Variants in CAB39L observed in about 807,000 individuals in gnomAD.
CAB39L encodes calcium binding protein 39 like.
A neutral mutation model predicts 39.1 loss-of-function variants in CAB39L; 23 were observed. The ratio of observed to expected loss-of-function variants is 0.59; its 90% CI spans 0.42 to 0.83. The LOEUF (loss-of-function observed/expected upper bound fraction) is 0.83. CAB39L is among the 40% of genes least tolerant of loss of function. The pLI, the probability that CAB39L is intolerant of heterozygous loss-of-function variation, is 0.00. For synonymous variants in CAB39L, 126 were observed against 137.2 expected (o/e 0.92, Z 0.57); for missense variants, 366 against 391.9 (o/e 0.93, Z 0.56).
chr13:49,375,233 A>G (rs1003802072), intron 5 of CAB39L, among the ~76,000 whole-genome samples: 2 of 152,086 alleles, frequency 1.3e-5, no homozygotes, highest in South Asian at 2.1e-4. Flanking sequence ...TATTATTCCT[A>G]TTTTATAGAT....
rs533105748 is a variant in CAB39L, at chr13:49,434,148, G to T, written c.-170C>A. 2 of 456,744 alleles carry T rather than the reference G, an allele frequency of 4.4e-6. No homozygotes were observed. The highest frequency in any genetic ancestry group is 8.8e-6 in the Non-Finnish European group (2 of 227,008). The allele number at this position is 456,744 out of a possible 1,614,324, so 28.3% of individuals were successfully genotyped here. On this transcript the variant is annotated 5_prime_UTR_variant, in exon 2 of 11. Transcript: ENST00000409308. ...TGAACAAACCACTGATTTGGGGTTC[G>T]CATCTTTACGTTCTGAACAGCAACT...
Position 49,427,384 on chromosome 13 carries a change from A to G in CAB39L, c.-32+5934T>C, listed in dbSNP as rs762948156. Among the ~76,000 whole-genome samples the G allele has an allele frequency of 9.2e-5, 14 of 152,122 alleles. 1 individual carries two copies. The highest frequency in any genetic ancestry group is 1.3e-4 in the Non-Finnish European group (9 of 68,030). ...CGAAGTTCCAAAGCCATGCCCACTT[A>G]AAATATTTGTTGCTGGGCACCATGG... On this transcript the variant is annotated intron_variant, in intron 3 of 10. Transcript: ENST00000409308.
chr13:49,394,198 A>G (rs1956554674), intron 3 of CAB39L, among the ~76,000 whole-genome samples: 1 of 152,004 alleles, frequency 6.6e-6, no homozygotes, highest in African/African-American at 2.4e-5. Context: ...ATTACAAAAG[A>G]TCTCTTTAAG....
chr13:49,382,973 CTT>C (rs1401923842), intron 3 of CAB39L, 32 bp from the exon 4 acceptor site: 34 of 909,052 alleles, frequency 3.7e-5, no homozygotes, highest in Non-Finnish European at 5.6e-5. Context: ...AAAATTATAA[CTT>C]TAACTCTTAA....
At position 49,345,798 on chromosome 13, in the gene CAB39L, G is replaced by A. The variant is rs578115389; in HGVS notation, c.565-1560C>T. 7.9e-5 allele frequency among the ~76,000 whole-genome samples: 12 copies of A among 151,878 alleles called. No individual in the cohort carries two copies. In the East Asian group the frequency reaches 9.7e-4, roughly 12 times the overall value. ...GAGTTCTCTACCTGCTTCAACTATC[G>A]TCAGCCTTGAAAGTGAGGACTGGGT... On this transcript the variant is annotated intron_variant, in intron 7 of 10. Coordinates refer to ENST00000409308, the MANE Select transcript of CAB39L (RefSeq NM_001079670.3).
At chr13:49,312,087 C>A (rs1269051592) in intron 10 of CAB39L, among the ~76,000 whole-genome samples, 1 of 152,128 alleles carries the variant, frequency 6.6e-6, no homozygotes, top group African/African-American at 2.4e-5. Context: ...TAGAGGCAGG[C>A]CTGACTATGA....
intron 3 of CAB39L, among the ~76,000 whole-genome samples, chr13:49,423,601 AG>A (rs1417352711): frequency 6.6e-6 from 1 of 152,204 alleles, no homozygotes; most frequent in African/African-American, 2.4e-5. Flanking sequence ...AAAAATTAGT[AG>A]GAGAGAAAGG....
intron 3 of CAB39L, among the ~76,000 whole-genome samples, chr13:49,415,212 T>A (rs1957062632): frequency 6.8e-6 from 1 of 146,306 alleles, no homozygotes; most frequent in African/African-American, 2.5e-5. Context: ...ATTTTAAAAA[T>A]AAAAATAAAA....
chr13:49,396,299 A>C (rs1192345813), intron 3 of CAB39L, among the ~76,000 whole-genome samples: 1 of 152,174 alleles, frequency 6.6e-6, no homozygotes, highest in Non-Finnish European at 1.5e-5. Context: ...ACAATCAACA[A>C]TGAGTTAGAC....
At chr13:49,426,169 C>T (rs1957241369) in intron 3 of CAB39L, among the ~76,000 whole-genome samples, 2 of 152,178 alleles carry the variant, frequency 1.3e-5, no homozygotes, top group Admixed American at 1.3e-4. Flanking sequence ...GGATAAGGAC[C>T]ATCCCCTTAA....
chr13:49,431,399 T>C (rs541390124), intron 3 of CAB39L, among the ~76,000 whole-genome samples: 1 of 152,222 alleles, frequency 6.6e-6, no homozygotes, highest in Admixed American at 6.5e-5. Context: ...AAAACGGTTT[T>C]AGCAGCTTCT....
chr13:49,407,192 G>A (rs1213883393), intron 3 of CAB39L, among the ~76,000 whole-genome samples: 1 of 152,112 alleles, frequency 6.6e-6, no homozygotes, highest in Admixed American at 6.6e-5. Flanking sequence ...ATCATGGCAT[G>A]CTAAATATGC....
At chr13:49,392,269 A>C (rs1956503931) in intron 3 of CAB39L, among the ~76,000 whole-genome samples, 1 of 152,182 alleles carries the variant, frequency 6.6e-6, no homozygotes, top group South Asian at 2.1e-4. Context: ...TATATTAGGT[A>C]CAATAAAGGC....
At chr13:49,348,344 G>T (rs559742346) in intron 7 of CAB39L, among the ~76,000 whole-genome samples, 1 of 152,264 alleles carries the variant, frequency 6.6e-6, no homozygotes, top group African/African-American at 2.4e-5. Context: ...AAGGCAGGCG[G>T]ATGGCTTGAG....
At chr13:49,361,972 C>T (rs1184725177) in intron 5 of CAB39L, among the ~76,000 whole-genome samples, 1 of 152,108 alleles carries the variant, frequency 6.6e-6, no homozygotes, top group African/African-American at 2.4e-5. Context: ...CCAATTTTCA[C>T]AACAACCTTA....
chr13:49,332,388 A>G (rs1272305676), intron 9 of CAB39L, among the ~76,000 whole-genome samples: 1 of 152,178 alleles, frequency 6.6e-6, no homozygotes, highest in African/African-American at 2.4e-5. Context: ...CACTTTAATT[A>G]TCTTGCTTCG....
intron 3 of CAB39L, chr13:49,412,900 C>G (rs1957017982): frequency 6.6e-6 from 1 of 152,370 alleles, no homozygotes; most frequent in Non-Finnish European, 1.5e-5. Flanking sequence ...TGCTTGCCAG[C>G]CAGCCACTCA....
chr13:49,351,308 T>C (rs981503998), intron 6 of CAB39L, among the ~76,000 whole-genome samples: 3 of 133,668 alleles, frequency 2.2e-5, no homozygotes, highest in African/African-American at 8.5e-5. Flanking sequence ...GAGTGACTAC[T>C]TAAGTTACTT....
intron 10 of CAB39L, among the ~76,000 whole-genome samples, chr13:49,312,247 G>A (rs570255833): frequency 3.9e-5 from 6 of 152,162 alleles, no homozygotes; most frequent in African/African-American, 1.4e-4. Context: ...AATCAATTTA[G>A]TGTAGTCTAA....
Sources: allele counts gnomAD v4.1 joint callset (sites outside exome capture counted in the v4.1 genomes callset), GRCh38; gene constraint gnomAD v4.1.1; transcripts MANE v1.5; gene names NCBI Gene and HGNC (gene_info 2026-07-23, HGNC 2026-07-21).